Variants in TRPM4 observed in about 807,000 individuals in gnomAD.
TRPM4 encodes transient receptor potential cation channel subfamily M member 4.
A neutral mutation model predicts 135.6 loss-of-function variants in TRPM4; 124 were observed. The observed-to-expected ratio is 0.91, with a 90% CI of 0.79 to 1.06. The LOEUF is 1.06. TRPM4 is among the 50% of genes least tolerant of loss of function. TRPM4 has a pLI of 0.00. For synonymous variants in TRPM4, 745 were observed against 705.6 expected (o/e 1.06, Z -0.88); for missense variants, 1,658 against 1,671.4 (o/e 0.99, Z 0.14).
At chr19:49,190,609 C>A in intron 15 of TRPM4, 87 bp from the exon 16 acceptor site, 1 of 1,365,448 alleles carries the variant, frequency 7.3e-7, no homozygotes, top group Non-Finnish European at 1.0e-6. Context: ...GCCATGTCTC[C>A]GGGTGAAGAA....
rs869232937 is a variant in TRPM4, at chr19:49,164,364, G to GTTTTTTTTTTTTTTTTT, written c.93-1659_93-1643dup. Among the ~76,000 whole-genome samples, 5 of 16,244 alleles carry GTTTTTTTTTTTTTTTTT rather than the reference G, an allele frequency of 3.1e-4. 1 individual carries two copies. Among genetic ancestry groups the GTTTTTTTTTTTTTTTTT allele is most frequent in the Non-Finnish European group, 3.1e-4 (3 of 9,532 alleles). 10.7% of individuals were successfully genotyped at this position (16,244 alleles called of 152,430 possible). A position where few individuals can be genotyped will look rare whatever the true frequency, so the allele number is the denominator to read the frequency against. On this transcript the variant is annotated intron_variant, in intron 2 of 24. Coordinates refer to ENST00000252826, the MANE Select transcript of TRPM4 (RefSeq NM_017636.4). ...CCTCCCTCCTTCCTTTCTTTCCTTA[G>GTTTTTTTTTTTTTTTTT]TTTTTTTTTTTTTTTTTTTTTTTTT...
At chr19:49,201,600 C>G (rs1368672462) in intron 19 of TRPM4, among the ~76,000 whole-genome samples, 3 of 152,146 alleles carry the variant, frequency 2.0e-5, no homozygotes, top group Non-Finnish European at 4.4e-5. Context: ...GAAGAGGAAC[C>G]TGTACTTTAC....
intron 20 of TRPM4, among the ~76,000 whole-genome samples, chr19:49,203,271 C>T (rs1969013363): frequency 6.6e-6 from 1 of 151,916 alleles, no homozygotes; most frequent in Admixed American, 6.6e-5. Context: ...CCTCCACCTC[C>T]CAGGTTCAAG....
intron 20 of TRPM4, among the ~76,000 whole-genome samples, chr19:49,203,390 A>G (rs554246075): frequency 1.0e-4 from 15 of 145,710 alleles, no homozygotes; most frequent in Middle Eastern, 4.0e-3. Flanking sequence ...CGTGTTAGCC[A>G]GGATGGTTTC....
At chr19:49,196,120 A>C (rs542563188) in intron 16 of TRPM4, among the ~76,000 whole-genome samples, 93 of 151,592 alleles carry the variant, frequency 6.1e-4, no homozygotes, top group African/African-American at 2.1e-3. Flanking sequence ...TAACTCCCAA[A>C]GTGCTGCGAT....
At chr19:49,200,993 CTTTTTTCTTTTT>C (rs71180608) in intron 19 of TRPM4, among the ~76,000 whole-genome samples, 512 of 147,780 alleles carry the variant, frequency 3.5e-3, no homozygotes, top group South Asian at 0.012. Flanking sequence ...GTCTGTCTTT[CTTTTTTCTTTTT>C]TTTTTTCTTT....
At position 49,200,311 on chromosome 19, in the gene TRPM4, G is replaced by A; in HGVS notation, c.2657G>A (p.Gly886Asp). 6.2e-7 allele frequency: 1 copy of A among 1,614,100 alleles called. No individual in the cohort carries two copies. ...LLGVGCRLTP[G>D]LYHLGRTVLC... ...TCCCCACACCCCAGGCTGACCCCGG[G>A]TTTGTACCACCTGGGCCGCACTGTC... The change falls in exon 18 of 25, where the codon GGT becomes GAT. Residue 886 changes from glycine (G) to aspartate (D), a missense_variant. Around this residue, in one of 3 missense-constraint regions of TRPM4, gnomAD observed 1,412 missense variants for 1,408.7 expected, o/e 1.00. Coordinates refer to ENST00000252826, the MANE Select transcript of TRPM4 (RefSeq NM_017636.4).
intron 14 of TRPM4, among the ~76,000 whole-genome samples, chr19:49,189,432 A>G (rs1233275348): frequency 2.0e-5 from 3 of 152,136 alleles, no homozygotes. Context: ...AGGAAGTCCT[A>G]GCTCATCCAC....
chr19:49,210,071 C>T lies in TRPM4; in HGVS notation c.3132-138C>T. 6 of 986,102 alleles carry T rather than the reference C, an allele frequency of 6.1e-6. No individual in the cohort carries two copies. Among genetic ancestry groups the T allele is most frequent in the Non-Finnish European group, 8.1e-6 (5 of 619,814 alleles). The allele number at this position is 986,102 out of a possible 1,614,324, so 61.1% of individuals were successfully genotyped here. A position where few individuals can be genotyped will look rare whatever the true frequency, so the allele number is the denominator to read the frequency against. On this transcript the variant is annotated intron_variant, in intron 20 of 24. Coordinates refer to ENST00000252826, the MANE Select transcript of TRPM4 (RefSeq NM_017636.4). This position sits in a 1 kb window ranked among gnomAD's most constrained non-coding sequence, Gnocchi z 4.1. ...GCTCTAACCTGACTTCTAATCGCAT[C>T]CTGTAACCTCTGACTTTAGTGATCT...
chr19:49,179,535 A>C (rs1416525302), intron 9 of TRPM4, among the ~76,000 whole-genome samples: 1 of 151,756 alleles, frequency 6.6e-6, no homozygotes, highest in African/African-American at 2.4e-5. Flanking sequence ...ATTTTAGTAG[A>C]GATGGGGTTT....
intron 2 of TRPM4, among the ~76,000 whole-genome samples, chr19:49,164,293 C>CCCTTCCTT (rs35554637): frequency 1.0e-5 from 1 of 99,342 alleles, no homozygotes. Context: ...CTCCCTCCCT[C>CCCTTCCTT]CCTTCCTTCC....
chr19:49,178,199 T>C (rs538692219), intron 9 of TRPM4, among the ~76,000 whole-genome samples: 1 of 152,138 alleles, frequency 6.6e-6, no homozygotes, highest in South Asian at 2.1e-4. Context: ...ACTGTGCGCC[T>C]GTAGTCCCAG....
Position 49,210,924 on chromosome 19 carries a change from G to A in TRPM4, c.3461+82G>A, listed in dbSNP as rs1391549688. On this transcript the variant is annotated intron_variant, in intron 22 of 24. Coordinates refer to ENST00000252826, the MANE Select transcript of TRPM4 (RefSeq NM_017636.4). The surrounding 1 kb of genome is among the most constrained non-coding windows in gnomAD (Gnocchi z 4.1). The stretch of plus-strand genomic sequence containing the variant: ...CAGCTGAAGGCAGGGTCCTGGGAGG[G>A]AGGGAGAGAGGGAGGAGGCCCGGGA... 2 of 1,584,440 alleles carry A rather than the reference G, an allele frequency of 1.3e-6. No individual in the cohort carries two copies. The highest frequency in any genetic ancestry group is 2.7e-5 in the African/African-American group (2 of 74,262).
intron 9 of TRPM4, among the ~76,000 whole-genome samples, chr19:49,175,732 C>T (rs1256274643): frequency 6.7e-6 from 1 of 149,408 alleles, no homozygotes; most frequent in Middle Eastern, 3.3e-3. Flanking sequence ...GCGATCTCGG[C>T]TCGCTGAAAG....
intron 16 of TRPM4, 96 bp from the exon 17 acceptor site, chr19:49,196,344 G>A: frequency 8.4e-7 from 1 of 1,183,482 alleles, no homozygotes; most frequent in Non-Finnish European, 1.2e-6. Flanking sequence ...GGTCAGGCAG[G>A]GTGAGATGTG....
chr19:49,167,154 CGCCATCTCTCTGGGTCTCTGT>C (rs1967229933), intron 3 of TRPM4, among the ~76,000 whole-genome samples: 1 of 129,984 alleles, frequency 7.7e-6, no homozygotes, highest in Non-Finnish European at 1.7e-5. Context: ...GGGTCTCTGT[CGCCATCTCTCTGGGTCTCTGT>C]CCCATGTCTC....
chr19:49,203,815 A>G (rs755148096), intron 20 of TRPM4, among the ~76,000 whole-genome samples: 9 of 152,328 alleles, frequency 5.9e-5, no homozygotes, highest in Non-Finnish European at 8.8e-5. Flanking sequence ...ATGAATGAGT[A>G]ATATTCTATT....
intron 2 of TRPM4, among the ~76,000 whole-genome samples, chr19:49,160,497 AAAAG>A (rs1452743391): frequency 1.1e-3 from 161 of 151,510 alleles, no homozygotes; most frequent in African/African-American, 2.5e-3. Context: ...AAAAAAAAAA[AAAAG>A]AAAGAAAGAA....
chr19:49,174,299 C>A (rs7248537), intron 9 of TRPM4, among the ~76,000 whole-genome samples: 8 of 152,056 alleles, frequency 5.3e-5, no homozygotes, highest in African/African-American at 1.9e-4. Context: ...ATTACAGGCA[C>A]GTGCCATCAT....
Sources: gnomAD v4.1 joint callset for allele counts (sites outside exome capture counted in the v4.1 genomes callset) on GRCh38, gnomAD v4.1.1 for gene constraint, gnomAD v4.1.1 regional missense constraint, Gnocchi (gnomAD v3.1) non-coding constraint, MANE v1.5 for transcripts, NCBI Gene and HGNC (gene_info 2026-07-23, HGNC 2026-07-21) for gene names.